The following CNTNAP2 variants were observed in gnomAD, a reference collection of about 807,000 sequenced individuals.
CNTNAP2 encodes contactin associated protein 2, also known as contactin-associated protein-like 2.
CNTNAP2 carries 98 observed loss-of-function variants against 155.2 expected under a neutral mutation model. That is an observed-to-expected ratio of 0.63 (90% CI 0.54 to 0.75). CNTNAP2 has a LOEUF of 0.75. Ranked by LOEUF, CNTNAP2 falls within the 30% of genes least tolerant of loss-of-function variation. The pLI is 0.00. For missense variants in CNTNAP2, 1,727 were observed against 1,688.1 expected, an observed-to-expected ratio of 1.02 and a Z score of -0.40; for synonymous variants, 651 against 631.2, an observed-to-expected ratio of 1.03 and a Z score of -0.47.
At chr7:146,228,500 C>G (rs574597292) in intron 1 of CNTNAP2, among the ~76,000 whole-genome samples, 8 of 152,176 alleles carry the variant, frequency 5.3e-5, no homozygotes, top group African/African-American at 1.9e-4. Flanking sequence ...ATTGTAAATA[C>G]TATGTAAATA....
At chr7:148,165,072 G>T (rs971942433) in intron 17 of CNTNAP2, among the ~76,000 whole-genome samples, 1 of 152,120 alleles carries the variant, frequency 6.6e-6, no homozygotes, top group Non-Finnish European at 1.5e-5. Flanking sequence ...TGCTTGGGCT[G>T]CCCTAACAGA....
intron 2 of CNTNAP2, among the ~76,000 whole-genome samples, chr7:146,834,578 C>G (rs1375902456): frequency 1.3e-5 from 2 of 152,122 alleles, no homozygotes; most frequent in Non-Finnish European, 2.9e-5. Context: ...AAACAGCATT[C>G]TTATTGTTTC....
At chr7:147,155,800 G>T (rs565701626) in intron 8 of CNTNAP2, among the ~76,000 whole-genome samples, 6 of 152,182 alleles carry the variant, frequency 3.9e-5, no homozygotes, top group Non-Finnish European at 7.4e-5. Flanking sequence ...GTGGGGAAAG[G>T]TGCCCCTGAG....
At chr7:146,158,945 T>G (rs1798172672) in intron 1 of CNTNAP2, among the ~76,000 whole-genome samples, 1 of 152,262 alleles carries the variant, frequency 6.6e-6, no homozygotes, top group Middle Eastern at 3.4e-3. Flanking sequence ...ATTGTCAGAT[T>G]CACCAAAGTT....
chr7:146,700,755 G>T (rs10265785), intron 1 of CNTNAP2, among the ~76,000 whole-genome samples: 5,625 of 152,224 alleles, frequency 0.037, 343 homozygotes, highest in African/African-American at 0.13. Context: ...AATGTCCTTA[G>T]TTAGCTCTGC....
rs147172345 is a variant in CNTNAP2 at position 148,119,059 on chromosome 7, C to A, written c.2554+771C>A. On this transcript the variant is annotated intron_variant, in intron 16 of 23. Transcript: ENST00000361727. ...CAATTCAGCTTTAGGAAGTTACAAT[C>A]CCCTGACTTCCAGGCCAGTTGATTA... Among the ~76,000 whole-genome samples the A allele has an allele frequency of 1.5e-3, 225 of 152,294 alleles. 2 individuals are homozygous for A. Among genetic ancestry groups the A allele is most frequent in the Admixed American group, 3.0e-3 (46 of 15,300 alleles).
At chr7:146,277,309 G>A (rs1434212364) in intron 1 of CNTNAP2, among the ~76,000 whole-genome samples, 1 of 152,138 alleles carries the variant, frequency 6.6e-6, no homozygotes, top group African/African-American at 2.4e-5. Context: ...CTTTGTTACG[G>A]AGCCTTAGGA....
intron 14 of CNTNAP2, among the ~76,000 whole-genome samples, chr7:147,906,114 T>C (rs991210018): frequency 2.6e-4 from 39 of 151,972 alleles, no homozygotes; most frequent in Admixed American, 2.2e-3. Flanking sequence ...CAGTTGACAG[T>C]TTTGAAAACA....
In CNTNAP2 at chr7:148,018,762, CACAA is replaced by C. The variant is rs900033620; in HGVS notation, c.2383+40777_2383+40780del. Among the ~76,000 whole-genome samples, 9 of 152,294 alleles carry C rather than the reference CACAA, an allele frequency of 5.9e-5. 1 individual carries two copies. Among genetic ancestry groups the C allele is most frequent in the Admixed American group, 5.9e-4 (9 of 15,306 alleles). On this transcript the variant is annotated intron_variant, in intron 15 of 23. Transcript: ENST00000361727. ...AGGAGTCCCATGCTCTCATTTTTGG[CACAA>C]ACAGAGTTTGACTCTCACCACAAAA...
intron 1 of CNTNAP2, among the ~76,000 whole-genome samples, chr7:146,622,273 ATCTATC>A (rs1472001925): frequency 8.6e-5 from 9 of 104,222 alleles, no homozygotes; most frequent in African/African-American, 3.9e-4. Context: ...CTATCTATCT[ATCTATC>A]TATATATATA....
At chr7:146,311,660 AAGAAAGAAAGGAAAG>A (rs1800825516) in intron 1 of CNTNAP2, 1 of 149,664 alleles carries the variant, frequency 6.7e-6, no homozygotes, top group East Asian at 1.9e-4. Context: ...AAAGAAAGCA[AAGAAAGAAAGGAAAG>A]AGAAAGAAAA....
chr7:146,290,383 A>C (rs915044972), intron 1 of CNTNAP2, among the ~76,000 whole-genome samples: 3 of 152,216 alleles, frequency 2.0e-5, no homozygotes, highest in Non-Finnish European at 4.4e-5. Context: ...CTACTTAAAC[A>C]TGAAGACAGA....
At chr7:146,327,273 GT>G (rs1801113540) in intron 1 of CNTNAP2, among the ~76,000 whole-genome samples, 1 of 152,172 alleles carries the variant, frequency 6.6e-6, no homozygotes, top group Non-Finnish European at 1.5e-5. Flanking sequence ...ATAGTAGACT[GT>G]ACTGTAAACA....
intron 21 of CNTNAP2, among the ~76,000 whole-genome samples, chr7:148,302,651 T>A (rs1408826193): frequency 3.3e-5 from 5 of 152,096 alleles, no homozygotes; most frequent in African/African-American, 1.2e-4. Flanking sequence ...TCTCACAAGA[T>A]CTGATGGTTT....
intron 18 of CNTNAP2, among the ~76,000 whole-genome samples, chr7:148,206,303 T>C (rs1157652190): frequency 6.7e-6 from 1 of 148,450 alleles, no homozygotes; most frequent in Non-Finnish European, 1.5e-5. Flanking sequence ...AAATTTTTAA[T>C]ATTTATATTT....
At chr7:147,641,804 C>G (rs1017872672) in intron 13 of CNTNAP2, among the ~76,000 whole-genome samples, 4 of 152,070 alleles carry the variant, frequency 2.6e-5, no homozygotes, top group African/African-American at 9.7e-5. Context: ...AAACCTTGAT[C>G]TTTCACTTCC....
chr7:146,148,239 T>C (rs2116769648), intron 1 of CNTNAP2, among the ~76,000 whole-genome samples: 1 of 152,216 alleles, frequency 6.6e-6, no homozygotes, highest in Admixed American at 6.6e-5. Context: ...GCTACTTTAT[T>C]AGATTTTGAT....
At chr7:146,955,763 G>A (rs755067798) in intron 3 of CNTNAP2, among the ~76,000 whole-genome samples, 7 of 152,006 alleles carry the variant, frequency 4.6e-5, no homozygotes, top group Non-Finnish European at 8.8e-5. Context: ...CATAGAATAT[G>A]TCATTTTTGT....
At chr7:146,216,960 G>C (rs80258378) in intron 1 of CNTNAP2, among the ~76,000 whole-genome samples, 1 of 152,150 alleles carries the variant, frequency 6.6e-6, no homozygotes, top group Non-Finnish European at 1.5e-5. Flanking sequence ...TCATAAAACC[G>C]GGTTATGCGC....
Sources: allele counts gnomAD v4.1 joint callset (sites outside exome capture counted in the v4.1 genomes callset), GRCh38; gene constraint gnomAD v4.1.1; transcripts MANE v1.5; gene names NCBI Gene and HGNC (gene_info 2026-07-23, HGNC 2026-07-21).